The following DENND1B variants were observed in gnomAD, a reference collection of about 807,000 sequenced individuals.
The protein encoded by DENND1B is DENN domain-containing protein 1B.
In DENND1B, 59 loss-of-function variants were observed where a neutral mutation model predicts 90.1. The ratio of observed to expected loss-of-function variants is 0.65; its 90% confidence interval spans 0.53 to 0.81. The LOEUF is 0.81. Ranked by LOEUF, DENND1B falls within the 40% of genes least tolerant of loss-of-function variation. DENND1B has a pLI of 0.00. For synonymous variants in DENND1B, 337 were observed against 324.6 expected, an observed-to-expected ratio of 1.04 and a Z score of -0.41; for missense variants, 862 against 912.6, an observed-to-expected ratio of 0.94 and a Z score of 0.71.
chr1:197,678,529 T>C (rs1656322279), intron 3 of DENND1B, among the ~76,000 whole-genome samples: 2 of 152,162 alleles, frequency 1.3e-5, no homozygotes, highest in African/African-American at 4.8e-5. Flanking sequence ...ATTCAATTTA[T>C]TTATACTTTA....
chr1:197,685,719 A>G (rs563036785), intron 3 of DENND1B: 1 of 152,250 alleles, frequency 6.6e-6, no homozygotes, highest in South Asian at 2.1e-4. Context: ...TAGTTGTAAG[A>G]ACTACTGCAC....
intron 19 of DENND1B, 116 bp from the exon 20 acceptor site, chr1:197,540,187 C>T: frequency 4.1e-6 from 2 of 493,778 alleles, no homozygotes; most frequent in Non-Finnish European, 6.8e-6. Context: ...AACACTTCAG[C>T]TTTAAGTGTA....
At chr1:197,570,159 G>A (rs1482823412) in intron 15 of DENND1B, among the ~76,000 whole-genome samples, 1 of 151,420 alleles carries the variant, frequency 6.6e-6, no homozygotes, top group East Asian at 1.9e-4. Flanking sequence ...CTAGGAGGCT[G>A]AGGTGAGAGG....
At chr1:197,729,698 C>T (rs1402827353) in intron 2 of DENND1B, among the ~76,000 whole-genome samples, 3 of 152,090 alleles carry the variant, frequency 2.0e-5, no homozygotes. Flanking sequence ...AGTTAGCCCC[C>T]ATAATGTACA....
intron 10 of DENND1B, among the ~76,000 whole-genome samples, chr1:197,640,817 C>T (rs541669126): frequency 4.1e-4 from 62 of 152,254 alleles, no homozygotes; most frequent in African/African-American, 1.5e-3. Context: ...TCAAATACTA[C>T]CTCACTGAGT....
chr1:197,568,360 A>C (rs1672867850), intron 15 of DENND1B, among the ~76,000 whole-genome samples: 1 of 152,178 alleles, frequency 6.6e-6, no homozygotes, highest in Non-Finnish European at 1.5e-5. Flanking sequence ...AAATATATAG[A>C]AAAATATTCC....
intron 1 of DENND1B, among the ~76,000 whole-genome samples, chr1:197,773,825 T>A (rs887827443): frequency 4.6e-5 from 7 of 152,248 alleles, no homozygotes; most frequent in Admixed American, 6.5e-5. Flanking sequence ...AGATTAAGTC[T>A]GTTACCACAA....
At chr1:197,767,809 A>T (rs1267932611) in intron 2 of DENND1B, among the ~76,000 whole-genome samples, 1 of 152,204 alleles carries the variant, frequency 6.6e-6, no homozygotes, top group Non-Finnish European at 1.5e-5. Flanking sequence ...TTTAGGGAAC[A>T]CACTGTATTC....
chr1:197,639,023 A>G (rs1558339316), intron 10 of DENND1B, among the ~76,000 whole-genome samples: 1 of 151,974 alleles, frequency 6.6e-6, no homozygotes, highest in African/African-American at 2.4e-5. Flanking sequence ...CTGTGCTTAC[A>G]TATCTTAATT....
intron 3 of DENND1B, 120 bp downstream of exon 3, chr1:197,714,911 G>C (rs763378698): frequency 1.3e-6 from 1 of 749,544 alleles, no homozygotes; most frequent in Non-Finnish European, 2.3e-6. Flanking sequence ...AGTTGATCAA[G>C]AGAAAATAAT....
Position 197,689,617 on chromosome 1 carries a change from G to A in DENND1B, c.127-15448C>T, listed in dbSNP as rs974765241. On this transcript the variant is annotated intron_variant, in intron 3 of 22. Transcript: ENST00000620048. ...TCATGTTAACAAAACAGATTCCACCGAGTCACCCTACAGCCAGAAGAGATA... is the reference window on the plus strand; with the variant it reads ...TCATGTTAACAAAACAGATTCCACCAAGTCACCCTACAGCCAGAAGAGATA... The A allele has an allele frequency of 2.8e-5, 5 of 176,190 alleles. No homozygotes were observed. In the South Asian group the frequency reaches 4.6e-4, roughly 16 times the overall value. The allele number at this position is 176,190 out of a possible 1,614,324, so 10.9% of individuals were successfully genotyped here.
intron 13 of DENND1B, 102 bp from the exon 14 acceptor site, chr1:197,595,435 A>G: frequency 7.2e-7 from 1 of 1,393,976 alleles, no homozygotes; most frequent in Non-Finnish European, 9.7e-7. Flanking sequence ...AGGTCAGCCA[A>G]AAATTCATCC....
chr1:197,579,874 T>C lies in DENND1B; in HGVS notation c.1149+3278A>G, dbSNP rs907358771. ...AAGTTTATTTGCTACCTTTTTGAAA[T>C]TGGCTTTGCACTCTTTGAAGTTTTT... is the stretch of plus-strand genomic sequence containing the variant. On this transcript the variant is annotated intron_variant, in intron 15 of 22. Coordinates refer to ENST00000620048, the MANE Select transcript of DENND1B (RefSeq NM_001195215.2). 1.2e-4 allele frequency among the ~76,000 whole-genome samples: 19 copies of C among 152,240 alleles called. No homozygotes were observed. The South Asian group carries it at 1.4e-3, about 12-fold the overall frequency.
chr1:197,690,640 T>A (rs557622552), intron 3 of DENND1B: 1 of 227,192 alleles, frequency 4.4e-6, no homozygotes, highest in African/African-American at 2.3e-5. Flanking sequence ...AAATGAATAT[T>A]ATCCCTAATA....
intron 3 of DENND1B, among the ~76,000 whole-genome samples, chr1:197,675,400 A>G (rs1178328708): frequency 1.3e-5 from 2 of 152,172 alleles, no homozygotes; most frequent in African/African-American, 4.8e-5. Context: ...AGAAAGCTTC[A>G]GTGCCTTAAT....
chr1:197,721,755 A>G (rs1473986908), intron 2 of DENND1B, among the ~76,000 whole-genome samples: 1 of 152,154 alleles, frequency 6.6e-6, no homozygotes, highest in Non-Finnish European at 1.5e-5. Context: ...CATCAACTAT[A>G]CCACTTACAG....
At chr1:197,517,918 C>A (rs996854820) in intron 20 of DENND1B, among the ~76,000 whole-genome samples, 1 of 95,138 alleles carries the variant, frequency 1.1e-5, no homozygotes, top group Non-Finnish European at 2.2e-5. Context: ...CCCAGCCTCC[C>A]CATGTTTTGT....
upstream of DENND1B, among the ~76,000 whole-genome samples, chr1:197,776,980 TTA>T (rs1657302708): frequency 6.6e-6 from 1 of 152,228 alleles, no homozygotes; most frequent in African/African-American, 2.4e-5. Context: ...CAAATTTGTA[TTA>T]TCTTTTGAGA....
intron 10 of DENND1B, among the ~76,000 whole-genome samples, chr1:197,633,028 T>C (rs1279658340): frequency 6.6e-6 from 1 of 152,160 alleles, no homozygotes; most frequent in African/African-American, 2.4e-5. Flanking sequence ...TGAGATTCTT[T>C]GAGAATGGGA....
Sources: allele counts gnomAD v4.1 joint callset (sites outside exome capture counted in the v4.1 genomes callset), GRCh38; gene constraint gnomAD v4.1.1; transcripts MANE v1.5; gene names NCBI Gene and HGNC (gene_info 2026-07-23, HGNC 2026-07-21).